SUSD5: variants seen among roughly 807,000 people sequenced by gnomAD.
The protein encoded by SUSD5 is sushi domain containing 5, also known as sushi domain-containing protein 5.
In SUSD5, 33 loss-of-function variants were observed where a neutral mutation model predicts 29.5. The ratio of observed to expected loss-of-function variants is 1.12; its 90% CI spans 0.85 to 1.49. The LOEUF (loss-of-function observed/expected upper bound fraction) is 1.49. Among genes scored for constraint, SUSD5 ranks in the 40% most tolerant of loss-of-function variants. The pLI is 0.00. For missense variants in SUSD5, 776 were observed against 800.6 expected, an observed-to-expected ratio of 0.97 and a Z score of 0.37; for synonymous variants, 308 against 325.3, an observed-to-expected ratio of 0.95 and a Z score of 0.57.
rs534614842 is a variant in SUSD5, at chr3:33,205,002, C to T, written c.409+2806G>A. On this transcript the variant is annotated intron_variant, in intron 3 of 4. Coordinates refer to ENST00000309558, the MANE Select transcript of SUSD5 (RefSeq NM_015551.2). ...CCTCTCTCCACACCACACACACACA[C>T]GTGTGTGTGTATACATATATATATG... 3.2e-3 allele frequency among the ~76,000 whole-genome samples: 489 copies of T among 151,988 alleles called. 4 individuals carry two copies. The highest frequency in any genetic ancestry group is 0.011 in the African/African-American group (467 of 41,482).
rs10707915 is a variant in SUSD5 at position 33,196,876 on chromosome 3, GA to G, written c.409+10931del. 9.9e-3 allele frequency among the ~76,000 whole-genome samples: 1,502 copies of G among 152,224 alleles called. 26 individuals are homozygous for G. Among genetic ancestry groups the G allele is most frequent in the African/African-American group, 0.032 (1,348 of 41,548 alleles). On this transcript the variant is annotated intron_variant, in intron 3 of 4. Transcript: ENST00000309558. ...AGAGTAAGAAGAAAGGAGCATCTCA[GA>G]AAACAAAAAGCCTGTAGAGTCTGGG... is the stretch of plus-strand genomic sequence containing the variant.
Position 33,174,970 on chromosome 3 carries a change from T to C in SUSD5, c.514A>G (p.Ile172Val), listed in dbSNP as rs763696118. The C allele has an allele frequency of 1.9e-6, 3 of 1,614,062 alleles. No individual in the cohort carries two copies. The highest frequency in any genetic ancestry group is 2.5e-6 in the Non-Finnish European group (3 of 1,179,900). ...ELLYVCAPGH[I>V]MGHRETAFTL... ...AAGGCGGTCTCCCGGTGGCCCATGA[T>C]GTGGCCTGGGGCACACACGTACAGC... is the stretch of plus-strand genomic sequence containing the variant. Residue 172 changes from isoleucine to valine, a missense_variant, in exon 4 of 5, where the codon ATC (isoleucine) becomes GTC (valine). Physicochemically the swap from Ile to Val is conservative, Grantham distance 29. Coordinates refer to ENST00000309558, the MANE Select transcript of SUSD5 (RefSeq NM_015551.2).
intron 3 of SUSD5, among the ~76,000 whole-genome samples, chr3:33,193,971 G>C (rs921843376): frequency 6.6e-6 from 1 of 152,106 alleles, no homozygotes; most frequent in Non-Finnish European, 1.5e-5. Flanking sequence ...GAAGACATGC[G>C]GCCAGAGGCC....
intron 3 of SUSD5, among the ~76,000 whole-genome samples, chr3:33,176,392 G>T (rs1302840529): frequency 6.6e-6 from 1 of 152,190 alleles, no homozygotes; most frequent in Non-Finnish European, 1.5e-5. Flanking sequence ...TGTATGGGAA[G>T]AGTATGTTTA....
At chr3:33,176,566 T>C (rs2031555757) in intron 3 of SUSD5, among the ~76,000 whole-genome samples, 1 of 152,222 alleles carries the variant, frequency 6.6e-6, no homozygotes, top group South Asian at 2.1e-4. Flanking sequence ...TCTTATTCTC[T>C]AGACATTGTC....
intron 3 of SUSD5, among the ~76,000 whole-genome samples, chr3:33,181,674 A>AT (rs745661965): frequency 6.6e-4 from 100 of 152,170 alleles, no homozygotes; most frequent in Non-Finnish European, 1.3e-3. Flanking sequence ...TGCCTGGTCC[A>AT]TTTTTTGTTT....
intron 2 of SUSD5, among the ~76,000 whole-genome samples, chr3:33,210,335 C>T (rs1575546009): frequency 6.6e-6 from 1 of 152,156 alleles, no homozygotes; most frequent in Non-Finnish European, 1.5e-5. Flanking sequence ...AGGGCATAGC[C>T]CTGCAAGGTC....
intron 3 of SUSD5, among the ~76,000 whole-genome samples, chr3:33,199,997 C>A (rs530023994): frequency 6.6e-6 from 1 of 152,164 alleles, no homozygotes; most frequent in East Asian, 1.9e-4. Context: ...TTGGACTCAT[C>A]AACCTCCAGA....
At chr3:33,183,028 C>A (rs2031704520) in intron 3 of SUSD5, among the ~76,000 whole-genome samples, 2 of 152,018 alleles carry the variant, frequency 1.3e-5, no homozygotes, top group Admixed American at 1.3e-4. Flanking sequence ...ATCTCCTGAC[C>A]TCGTGATCCA....
At chr3:33,203,270 G>A (rs896533578) in intron 3 of SUSD5, among the ~76,000 whole-genome samples, 1 of 152,202 alleles carries the variant, frequency 6.6e-6, no homozygotes, top group Non-Finnish European at 1.5e-5. Context: ...CAGAGGGACA[G>A]GGATAGAACT....
intron 3 of SUSD5, among the ~76,000 whole-genome samples, chr3:33,175,922 A>G (rs574398458): frequency 5.9e-5 from 9 of 152,298 alleles, no homozygotes; most frequent in Admixed American, 2.0e-4. Context: ...GCTTTGACAA[A>G]TGCACAGTGA....
chr3:33,202,290 G>C (rs1239823836), intron 3 of SUSD5, among the ~76,000 whole-genome samples: 1 of 152,146 alleles, frequency 6.6e-6, no homozygotes, highest in African/African-American at 2.4e-5. Context: ...TGGTATCACA[G>C]CTGGAAAATT....
intron 3 of SUSD5, among the ~76,000 whole-genome samples, chr3:33,195,685 G>C (rs2031981151): frequency 6.6e-6 from 1 of 150,910 alleles, no homozygotes; most frequent in South Asian, 2.1e-4. Context: ...GATTATTATA[G>C]CCATTCTTTG....
chr3:33,158,216 G>A (rs2031098030), intron 4 of SUSD5, among the ~76,000 whole-genome samples: 7 of 152,200 alleles, frequency 4.6e-5, no homozygotes, highest in Admixed American at 2.6e-4. Flanking sequence ...GAGGACTATA[G>A]GCCCACTTCT....
In SUSD5 at chr3:33,154,049, G is replaced by GA. The variant is rs764572041; in HGVS notation, c.599-17dup. 263 of 1,552,238 alleles carry GA rather than the reference G, an allele frequency of 1.7e-4. No homozygotes were observed. The highest frequency in any genetic ancestry group is 2.1e-4 in the African/African-American group (15 of 72,216). The stretch of plus-strand genomic sequence containing the variant: ...TCAGCCTCATCTGGAAGAAAAGAGG[G>GA]AAAAAACCTCATTAGCTCCAAAGGC... On this transcript the variant is annotated splice_polypyrimidine_tract_variant and intron_variant, in intron 4 of 4. Coordinates refer to ENST00000309558, the MANE Select transcript of SUSD5 (RefSeq NM_015551.2).
At chr3:33,175,876 G>T (rs2031542872) in intron 3 of SUSD5, among the ~76,000 whole-genome samples, 1 of 152,068 alleles carries the variant, frequency 6.6e-6, no homozygotes, top group Non-Finnish European at 1.5e-5. Flanking sequence ...TTACCTCAAG[G>T]TTACCATAAT....
chr3:33,189,527 T>C (rs1015273935), intron 3 of SUSD5, among the ~76,000 whole-genome samples: 5 of 149,738 alleles, frequency 3.3e-5, no homozygotes, highest in African/African-American at 1.2e-4. Context: ...TGATATAATG[T>C]CCTGGATTTG....
At chr3:33,177,255 C>T (rs1004540883) in intron 3 of SUSD5, among the ~76,000 whole-genome samples, 5 of 152,120 alleles carry the variant, frequency 3.3e-5, no homozygotes, top group African/African-American at 4.8e-5. Context: ...GGTTAATATC[C>T]GTAAAAGTAA....
rs892217046 is a variant in SUSD5 at position 33,204,573 on chromosome 3, G to A, written c.409+3235C>T. 4.6e-5 allele frequency among the ~76,000 whole-genome samples: 7 copies of A among 151,714 alleles called. No individual in the cohort carries two copies. The highest frequency in any genetic ancestry group is 3.3e-4 in the Admixed American group (5 of 15,206). On this transcript the variant is annotated intron_variant, in intron 3 of 4. Coordinates refer to ENST00000309558, the MANE Select transcript of SUSD5 (RefSeq NM_015551.2). This position sits in a 1 kb window ranked among gnomAD's most constrained non-coding sequence, Gnocchi z 4.5. ...CCTGACCTCGTGATACACCCACCTC[G>A]GCCTCCCAAAGTGCTGGGATTACAG...
Sources: gnomAD v4.1 joint callset for allele counts (sites outside exome capture counted in the v4.1 genomes callset) on GRCh38, gnomAD v4.1.1 for gene constraint, Gnocchi (gnomAD v3.1) non-coding constraint, MANE v1.5 for transcripts, NCBI Gene and HGNC (gene_info 2026-07-23, HGNC 2026-07-21) for gene names.